Variants in SLC15A2 observed in about 807,000 individuals in gnomAD.
The protein encoded by SLC15A2 is kidney H(+)/peptide cotransporter.
In SLC15A2, 77 loss-of-function variants were observed where a neutral mutation model predicts 95.5. That is an observed-to-expected ratio of 0.81 (90% confidence interval 0.67 to 0.97). The LOEUF (loss-of-function observed/expected upper bound fraction) is 0.97. Ranked by LOEUF, SLC15A2 falls within the 50% of genes least tolerant of loss-of-function variation. The pLI is 0.00. For missense variants in SLC15A2, 893 were observed against 874.4 expected, an observed-to-expected ratio of 1.02 and a Z score of -0.27; for synonymous variants, 306 against 306.9, an observed-to-expected ratio of 1.00 and a Z score of 0.03.
intron 13 of SLC15A2, 109 bp from the exon 14 acceptor site, chr3:121,927,649 A>G: frequency 1.3e-6 from 1 of 742,614 alleles, no homozygotes; most frequent in South Asian, 1.7e-5. Flanking sequence ...ATTTCTTTAC[A>G]GCAATGCAAG....
At chr3:121,932,720 TA>T (rs1365074841) in intron 19 of SLC15A2, among the ~76,000 whole-genome samples, 1 of 152,224 alleles carries the variant, frequency 6.6e-6, no homozygotes, top group Non-Finnish European at 1.5e-5. Flanking sequence ...TTTATTTTAC[TA>T]ATTAATTAAT....
intron 5 of SLC15A2, 54 bp from the exon 6 acceptor site, chr3:121,915,173 T>C: frequency 2.2e-6 from 3 of 1,380,656 alleles, no homozygotes. Context: ...GAACGTGGAG[T>C]GGGGCTGGAG....
At position 121,942,067 on chromosome 3, in the gene SLC15A2, T is replaced by A. The variant is rs988063612; in HGVS notation, c.*1060T>A. 5.9e-5 allele frequency: 9 copies of A among 152,218 alleles called. No individual in the cohort carries two copies. The highest frequency in any genetic ancestry group is 3.3e-4 in the Admixed American group (5 of 15,280). The allele number at this position is 152,218 out of a possible 1,614,324, so 9.4% of individuals were successfully genotyped here. Reference sequence around the variant, plus strand: ...TTTTCCCATAAGTTTTAAATACCATTTCTGCCTTGAAGCCTAGAAATTTTC... The same window carrying A: ...TTTTCCCATAAGTTTTAAATACCATATCTGCCTTGAAGCCTAGAAATTTTC... On this transcript the variant is annotated 3_prime_UTR_variant, in exon 22 of 22. Coordinates refer to ENST00000489711, the MANE Select transcript of SLC15A2 (RefSeq NM_021082.4).
chr3:121,936,897 T>G (rs1207230203), intron 19 of SLC15A2, among the ~76,000 whole-genome samples: 4 of 148,756 alleles, frequency 2.7e-5, no homozygotes, highest in African/African-American at 9.9e-5. Flanking sequence ...TTGCAGCGGC[T>G]GGTACCGGTT....
intron 1 of SLC15A2, chr3:121,895,224 T>G (rs950635755): frequency 6.6e-5 from 10 of 152,310 alleles, no homozygotes; most frequent in African/African-American, 2.4e-4. Context: ...CTCATTTCTT[T>G]GGAATAACAG....
Position 121,940,972 on chromosome 3 carries a change from A to G in SLC15A2, c.2155A>G (p.Met719Val), listed in dbSNP as rs766041682. 1 of 1,614,016 alleles carries G rather than the reference A, an allele frequency of 6.2e-7. No homozygotes were observed. The highest frequency in any genetic ancestry group is 8.5e-7 in the Non-Finnish European group (1 of 1,179,988). The change falls in exon 22 of 22, where the codon ATG becomes GTG. Residue 719 changes from methionine (M) to valine (V), a missense_variant. Coordinates refer to ENST00000489711, the MANE Select transcript of SLC15A2 (RefSeq NM_021082.4). Reference sequence around the variant, plus strand: ...GCACATTCCTCACATCCAGGGGAACATGATCAAACTAGAGACCAAGAAGAC... The same window carrying G: ...GCACATTCCTCACATCCAGGGGAACGTGATCAAACTAGAGACCAAGAAGAC... ...DKHIPHIQGNMIKLETKKTKL is the reference protein window; with the variant it reads ...DKHIPHIQGNVIKLETKKTKL
At chr3:121,928,132 A>G (rs955747658) in intron 14 of SLC15A2, among the ~76,000 whole-genome samples, 2 of 152,182 alleles carry the variant, frequency 1.3e-5, no homozygotes, top group African/African-American at 2.4e-5. Context: ...CTTTCTACAT[A>G]CTCAAGTAAA....
chr3:121,935,884 T>G (rs1173778285), intron 19 of SLC15A2, among the ~76,000 whole-genome samples: 1 of 152,258 alleles, frequency 6.6e-6, no homozygotes, highest in African/African-American at 2.4e-5. Flanking sequence ...TCTTTCCTGC[T>G]TTCTCTTGTG....
intron 7 of SLC15A2, among the ~76,000 whole-genome samples, chr3:121,919,429 C>T (rs1386783683): frequency 6.6e-6 from 1 of 151,970 alleles, no homozygotes; most frequent in Non-Finnish European, 1.5e-5. Flanking sequence ...TAGAGGGGAC[C>T]CGAAGTAGGT....
At chr3:121,925,769 TATATATATATATAA>T (rs1288031646) in intron 13 of SLC15A2, among the ~76,000 whole-genome samples, 1,082 of 83,370 alleles carry the variant, frequency 0.013, 116 homozygotes, top group East Asian at 0.017. Context: ...TATATATATA[TATATATATATATAA>T]AATACAACTA....
intron 3 of SLC15A2, 54 bp downstream of exon 3, chr3:121,897,583 C>T (rs1559837924): frequency 6.9e-6 from 11 of 1,585,454 alleles, no homozygotes; most frequent in East Asian, 2.2e-5. Context: ...GTGCAGAAGG[C>T]TATCACTTCT....
At position 121,938,536 on chromosome 3, in the gene SLC15A2, G is replaced by C. The variant is rs190963019; in HGVS notation, c.1762-813G>C. On this transcript the variant is annotated intron_variant, in intron 19 of 21. Coordinates refer to ENST00000489711, the MANE Select transcript of SLC15A2 (RefSeq NM_021082.4). ...GGAGTGACCCGATTTTCCAGGTGCC[G>C]TCTGTCACCCCTTTCTTTGACTAGG... 8.2e-3 allele frequency among the ~76,000 whole-genome samples: 1,247 copies of C among 151,586 alleles called. 5 individuals carry two copies. Among genetic ancestry groups the C allele is most frequent in the Non-Finnish European group, 0.011 (763 of 67,790 alleles).
intron 3 of SLC15A2, among the ~76,000 whole-genome samples, chr3:121,903,733 A>G (rs1483899960): frequency 2.0e-5 from 3 of 152,170 alleles, no homozygotes; most frequent in East Asian, 1.9e-4. Context: ...TACCAGTACC[A>G]TGCTGTTTTG....
rs1710177494 is a variant in SLC15A2 at position 121,929,028 on chromosome 3, A to G, written c.1388A>G (p.Asp463Gly). ...SKLHLKTKSQ[D>G]FHFHLKYHNL... The stretch of plus-strand genomic sequence containing the variant: ...CTGCACCTGAAAACAAAAAGCCAGG[A>G]TTTTCACTTCCACCTGAAATATCAC... Residue 463 changes from aspartate to glycine, a missense_variant, in exon 16 of 22, where the codon GAT becomes GGT. Coordinates refer to ENST00000489711, the MANE Select transcript of SLC15A2 (RefSeq NM_021082.4). 6.2e-7 allele frequency: 1 copy of G among 1,613,994 alleles called. No individual in the cohort carries two copies.
chr3:121,927,991 C>G (rs950248789), intron 14 of SLC15A2, 152 bp downstream of exon 14: 9 of 640,568 alleles, frequency 1.4e-5, no homozygotes, highest in Non-Finnish European at 2.4e-5. Flanking sequence ...TAAGTAGATA[C>G]AGGGGTAAAA....
chr3:121,921,916 G>A (rs2107595157), intron 7 of SLC15A2, among the ~76,000 whole-genome samples: 1 of 152,312 alleles, frequency 6.6e-6, no homozygotes, highest in Non-Finnish European at 1.5e-5. Context: ...CCACTTCTGT[G>A]ATTACATGAA....
intron 7 of SLC15A2, among the ~76,000 whole-genome samples, chr3:121,919,202 C>G (rs1709956789): frequency 6.6e-6 from 1 of 152,222 alleles, no homozygotes; most frequent in South Asian, 2.1e-4. Flanking sequence ...CTCCTGTAGT[C>G]TAGCGAGCGG....
At chr3:121,930,487 T>G (rs1307929451) in intron 17 of SLC15A2, among the ~76,000 whole-genome samples, 1 of 152,198 alleles carries the variant, frequency 6.6e-6, no homozygotes, top group Admixed American at 6.5e-5. Flanking sequence ...AGTTGATAGA[T>G]TCCACCATTA....
At chr3:121,914,247 C>T (rs1709832444) in intron 5 of SLC15A2, among the ~76,000 whole-genome samples, 1 of 152,134 alleles carries the variant, frequency 6.6e-6, no homozygotes, top group Non-Finnish European at 1.5e-5. Flanking sequence ...ACAAAACACA[C>T]TATAAATAGA....
Sources: allele counts gnomAD v4.1 joint callset (sites outside exome capture counted in the v4.1 genomes callset), GRCh38; gene constraint gnomAD v4.1.1; transcripts MANE v1.5; gene names NCBI Gene and HGNC (gene_info 2026-07-23, HGNC 2026-07-21).